Variants in OLFM3 observed in about 807,000 individuals in gnomAD.
The protein encoded by OLFM3 is noelin-3.
Under a neutral mutation model 48.6 loss-of-function variants are expected in OLFM3, and 20 were observed. That is an observed-to-expected ratio of 0.41 (90% CI 0.29 to 0.60). The LOEUF (loss-of-function observed/expected upper bound fraction) is 0.60, where lower values mean the gene tolerates loss of function less well. Among genes scored for constraint, OLFM3 ranks in the 20% least tolerant of loss-of-function variants. OLFM3 has a pLI of 0.28. For missense variants in OLFM3, 437 were observed against 544.3 expected (o/e 0.80, Z 1.96); for synonymous variants, 222 against 198.1 (o/e 1.12, Z -1.01).
intron 1 of OLFM3, among the ~76,000 whole-genome samples, chr1:101,847,455 A>AG (rs545131118): frequency 3.3e-4 from 50 of 152,324 alleles, no homozygotes; most frequent in African/African-American, 1.1e-3. Context: ...GCAAGGACAG[A>AG]GTGCTTTTAG....
chr1:101,943,121 AG>A (rs1659844698), intron 1 of OLFM3, among the ~76,000 whole-genome samples: 2 of 152,182 alleles, frequency 1.3e-5, no homozygotes, highest in African/African-American at 4.8e-5. Context: ...GCATAAATCT[AG>A]GTATTGCTGT....
At chr1:101,810,798 T>TA (rs1387901132) in intron 4 of OLFM3, among the ~76,000 whole-genome samples, 1 of 151,744 alleles carries the variant, frequency 6.6e-6, no homozygotes, top group African/African-American at 2.4e-5. Context: ...CTTTCAACCT[T>TA]AAAAAATTAG....
At chr1:101,982,008 C>G (rs183597938) in intron 1 of OLFM3, among the ~76,000 whole-genome samples, 1 of 152,222 alleles carries the variant, frequency 6.6e-6, no homozygotes, top group East Asian at 1.9e-4. Flanking sequence ...TGAAAAAACA[C>G]TGGTCATTAG....
chr1:101,853,593 T>C (rs1656303352), intron 1 of OLFM3, among the ~76,000 whole-genome samples: 1 of 152,084 alleles, frequency 6.6e-6, no homozygotes, highest in Non-Finnish European at 1.5e-5. Flanking sequence ...TAGCACACAG[T>C]AGTTTCACAA....
Position 101,810,495 on chromosome 1 carries a change from G to A in OLFM3, c.593-4313C>T, listed in dbSNP as rs536146963. On this transcript the variant is annotated intron_variant, in intron 4 of 5. Coordinates refer to ENST00000370103, the MANE Select transcript of OLFM3 (RefSeq NM_058170.4). Reference sequence around the variant, plus strand: ...CCAGCTACACGCATACAATATTTAGGTTATAATGTAAAAAGTTGAAATAGC... The same window carrying A: ...CCAGCTACACGCATACAATATTTAGATTATAATGTAAAAAGTTGAAATAGC... Among the ~76,000 whole-genome samples the A allele has an allele frequency of 5.3e-5, 8 of 152,018 alleles. No individual in the cohort carries two copies. In the South Asian group the frequency reaches 1.7e-3, roughly 32 times the overall value.
chr1:101,893,360 A>T, intron 1 of OLFM3: 1 of 388,268 alleles, frequency 2.6e-6, no homozygotes, highest in Non-Finnish European at 5.2e-6. Flanking sequence ...AGCTGTGTGC[A>T]TGGAGACCCA....
chr1:101,822,828 C>A (rs771904957), intron 4 of OLFM3, among the ~76,000 whole-genome samples: 1 of 151,792 alleles, frequency 6.6e-6, no homozygotes, highest in African/African-American at 2.4e-5. Flanking sequence ...CAATGTTTAC[C>A]TATTGTATAT....
intron 1 of OLFM3, among the ~76,000 whole-genome samples, chr1:101,927,690 GTA>G (rs111249039): frequency 2.3e-4 from 34 of 149,850 alleles, no homozygotes; most frequent in South Asian, 1.3e-3. Flanking sequence ...GCAAAAGCAA[GTA>G]TATATATATG....
At chr1:101,858,392 C>T (rs1192487799) in intron 1 of OLFM3, among the ~76,000 whole-genome samples, 5 of 151,948 alleles carry the variant, frequency 3.3e-5, no homozygotes, top group Non-Finnish European at 7.4e-5. Context: ...GGAACTAATG[C>T]AATTAACTCT....
chr1:101,824,104 T>TTG (rs141570598), intron 4 of OLFM3, among the ~76,000 whole-genome samples: 2,339 of 150,012 alleles, frequency 0.016, 21 homozygotes, highest in African/African-American at 0.02. Flanking sequence ...AATTAATCTT[T>TTG]TGTGTGTGTG....
intron 1 of OLFM3, among the ~76,000 whole-genome samples, chr1:101,957,345 T>C (rs1660329243): frequency 1.3e-5 from 2 of 152,092 alleles, no homozygotes; most frequent in Admixed American, 1.3e-4. Context: ...AGTCAATTTA[T>C]ATTTTACTTA....
At position 101,836,936 on chromosome 1, in the gene OLFM3, T is replaced by C. The variant is rs372707422; in HGVS notation, c.159A>G (p.Glu53=). ...GRCICTVVAP[E]QNLCSRDAKS... The stretch of plus-strand genomic sequence containing the variant: ...TGGCATCCCGGGAACACAGGTTTTG[T>C]TCTGGAGCAACAACTGTGCAAATGC... Residue 53 remains glutamate (E), a synonymous_variant, in exon 2 of 6, where the codon GAA becomes GAG. Coordinates refer to ENST00000370103, the MANE Select transcript of OLFM3 (RefSeq NM_058170.4). 1.7e-5 allele frequency: 27 copies of C among 1,614,050 alleles called. No homozygotes were observed. In the African/African-American group the frequency reaches 3.2e-4, roughly 19 times the overall value.
At chr1:101,937,652 T>C (rs1321864623) in intron 1 of OLFM3, among the ~76,000 whole-genome samples, 2 of 152,190 alleles carry the variant, frequency 1.3e-5, no homozygotes, top group African/African-American at 2.4e-5. Context: ...CCCAGCCACA[T>C]GAAACTGTAT....
At chr1:101,950,046 A>AGG (rs1557742734) in intron 1 of OLFM3, among the ~76,000 whole-genome samples, 3 of 151,666 alleles carry the variant, frequency 2.0e-5, no homozygotes, top group African/African-American at 7.3e-5. Context: ...AAAAAAAAAA[A>AGG]AAGAAAAAGC....
intron 1 of OLFM3, among the ~76,000 whole-genome samples, chr1:101,988,881 A>C (rs12028283): frequency 0.22 from 33,541 of 152,074 alleles, 4,265 homozygotes; most frequent in Middle Eastern, 0.33. Context: ...ACTATTTCAA[A>C]AAGAAAAGAG....
intron 1 of OLFM3, among the ~76,000 whole-genome samples, chr1:101,910,470 GA>G (rs5776606): frequency 0.47 from 57,930 of 122,716 alleles, 11,731 homozygotes; most frequent in East Asian, 0.63. Flanking sequence ...CGTCTCAACT[GA>G]AAAAAAAAAA....
chr1:101,874,258 G>A (rs1657205062), intron 1 of OLFM3, among the ~76,000 whole-genome samples: 1 of 151,844 alleles, frequency 6.6e-6, no homozygotes, highest in Non-Finnish European at 1.5e-5. Flanking sequence ...ATAGACACAT[G>A]TCAAACTAAC....
chr1:101,922,994 G>A (rs1045581542), intron 1 of OLFM3, among the ~76,000 whole-genome samples: 2 of 152,162 alleles, frequency 1.3e-5, no homozygotes, highest in Non-Finnish European at 2.9e-5. Context: ...AAAGATAAAA[G>A]AGTGACTCAG....
At chr1:101,895,535 T>C (rs924751787) in intron 1 of OLFM3, among the ~76,000 whole-genome samples, 4 of 152,104 alleles carry the variant, frequency 2.6e-5, no homozygotes, top group Non-Finnish European at 4.4e-5. Context: ...TCCTGTACAT[T>C]AATGAGAGCT....
Sources: allele counts gnomAD v4.1 joint callset (sites outside exome capture counted in the v4.1 genomes callset), GRCh38; gene constraint gnomAD v4.1.1; transcripts MANE v1.5; gene names NCBI Gene and HGNC (gene_info 2026-07-23, HGNC 2026-07-21).